SIL1: variants seen among roughly 807,000 people sequenced by gnomAD.
The protein encoded by SIL1 is nucleotide exchange factor SIL1.
Under a neutral mutation model 49.1 loss-of-function variants are expected in SIL1, and 40 were observed. The observed-to-expected ratio is 0.81, with a 90% CI of 0.63 to 1.06. SIL1 has a LOEUF of 1.06. SIL1 is among the 50% of genes least tolerant of loss of function. The pLI is 0.00. For missense variants in SIL1, 500 were observed against 572.6 expected (o/e 0.87, Z 1.29); for synonymous variants, 253 against 250.8 (o/e 1.01, Z -0.08).
intron 3 of SIL1, among the ~76,000 whole-genome samples, chr5:139,058,928 G>A (rs1769519794): frequency 6.6e-6 from 1 of 150,838 alleles, no homozygotes; most frequent in African/African-American, 2.4e-5. Flanking sequence ...CTAGGGTGTT[G>A]GTATTTCTAA....
intron 4 of SIL1, among the ~76,000 whole-genome samples, chr5:139,044,457 A>G (rs1769108149): frequency 6.6e-6 from 1 of 152,112 alleles, no homozygotes; most frequent in South Asian, 2.1e-4. Flanking sequence ...CTCAGTCCCA[A>G]CTACATACAC....
chr5:138,962,516 G>T (rs1288408826), intron 7 of SIL1, among the ~76,000 whole-genome samples: 1 of 152,226 alleles, frequency 6.6e-6, no homozygotes, highest in African/African-American at 2.4e-5. Context: ...TGGGATTGTT[G>T]CGGGGATGAA....
At chr5:139,094,245 A>G (rs1444447915) in intron 3 of SIL1, among the ~76,000 whole-genome samples, 2 of 151,952 alleles carry the variant, frequency 1.3e-5, no homozygotes, top group Non-Finnish European at 2.9e-5. Context: ...CTAAACACAA[A>G]CTCCTCACAC....
rs547917517 is a variant in SIL1, at chr5:139,056,429, G to A, written c.245-5383C>T. Among the ~76,000 whole-genome samples, 129 of 150,504 alleles carry A rather than the reference G, an allele frequency of 8.6e-4. 1 individual carries two copies. Among genetic ancestry groups the A allele is most frequent in the African/African-American group, 2.9e-3 (120 of 40,896 alleles). Reference sequence around the variant, plus strand: ...CGACTGAGAAGTGAGGAGCCCCTCCGCCCGGCAGCCACCCCGTCTGGGAAG... The same window carrying A: ...CGACTGAGAAGTGAGGAGCCCCTCCACCCGGCAGCCACCCCGTCTGGGAAG... On this transcript the variant is annotated intron_variant, in intron 3 of 9. Transcript: ENST00000394817.
At chr5:139,058,062 T>C (rs1246775100) in intron 3 of SIL1, among the ~76,000 whole-genome samples, 1 of 152,186 alleles carries the variant, frequency 6.6e-6, no homozygotes. Context: ...AAGTAGTATA[T>C]CCATATAATA....
At chr5:139,122,456 G>A (rs1344590863) in intron 2 of SIL1, among the ~76,000 whole-genome samples, 3 of 152,162 alleles carry the variant, frequency 2.0e-5, no homozygotes, top group Middle Eastern at 3.4e-3. Context: ...TTAGCCAGGT[G>A]TGGTGGTGTA....
chr5:139,150,703 G>A (rs982905937), intron 1 of SIL1, among the ~76,000 whole-genome samples: 5 of 152,120 alleles, frequency 3.3e-5, no homozygotes, highest in Admixed American at 6.6e-5. Flanking sequence ...TTTCTTCTTC[G>A]GTTGAAGAGA....
intron 1 of SIL1, among the ~76,000 whole-genome samples, chr5:139,174,184 A>G (rs987980562): frequency 2.6e-5 from 4 of 152,132 alleles, no homozygotes; most frequent in African/African-American, 9.7e-5. Flanking sequence ...ACCAAAATTG[A>G]CAAACCTTTA....
rs561263446 is a variant in SIL1 at position 139,185,833 on chromosome 5, G to T, written c.-11+12436C>A. Among the ~76,000 whole-genome samples, 9 of 152,274 alleles carry T rather than the reference G, an allele frequency of 5.9e-5. No individual in the cohort carries two copies. In the South Asian group the frequency reaches 1.9e-3, roughly 32 times the overall value. On this transcript the variant is annotated intron_variant, in intron 1 of 9. Transcript: ENST00000394817. ...AGTAAGCACTGCTGGGGCACTTAGG[G>T]ACTATGAAAAAAATGAGACAGCCAG...
chr5:138,998,689 A>G (rs1767924880), intron 7 of SIL1, among the ~76,000 whole-genome samples: 1 of 152,106 alleles, frequency 6.6e-6, no homozygotes, highest in Admixed American at 6.5e-5. Flanking sequence ...CTAACTGAGG[A>G]AGAACTCACT....
At chr5:138,986,389 C>G (rs1411107696) in intron 7 of SIL1, among the ~76,000 whole-genome samples, 1 of 152,176 alleles carries the variant, frequency 6.6e-6, no homozygotes, top group African/African-American at 2.4e-5. Context: ...ATCACGGACT[C>G]TGATTGATTT....
intron 7 of SIL1, among the ~76,000 whole-genome samples, chr5:138,953,687 G>GC (rs1020847993): frequency 8.9e-5 from 11 of 124,026 alleles, no homozygotes; most frequent in African/African-American, 3.3e-4. Context: ...CTGCTCCCCT[G>GC]CCCCCCACGA....
At chr5:139,042,819 C>A in intron 4 of SIL1, 100 bp from the exon 5 acceptor site, 3 of 1,033,934 alleles carry the variant, frequency 2.9e-6, no homozygotes, top group Non-Finnish European at 4.6e-6. Context: ...GGAAGGATAC[C>A]AAGATCCCAT....
intron 7 of SIL1, among the ~76,000 whole-genome samples, chr5:138,975,404 G>C (rs1421222345): frequency 1.3e-5 from 2 of 152,172 alleles, no homozygotes; most frequent in African/African-American, 4.8e-5. Flanking sequence ...GCCAGAGCAT[G>C]GGGGAAGGGC....
chr5:139,026,796 A>G lies in SIL1; in HGVS notation c.645+5T>C. 6.2e-7 allele frequency: 1 copy of G among 1,613,980 alleles called. No homozygotes were observed. The highest frequency in any genetic ancestry group is 8.5e-7 in the Non-Finnish European group (1 of 1,179,862). On this transcript the variant is annotated splice_donor_5th_base_variant and intron_variant, in intron 6 of 9. Coordinates refer to ENST00000394817, the MANE Select transcript of SIL1 (RefSeq NM_022464.5). ...GTCTGACTTATGGACGAAGAAATAC[A>G]GTACCTGATGGACATAATATTCAAG...
chr5:138,970,611 C>T (rs981735843), intron 7 of SIL1, among the ~76,000 whole-genome samples: 23 of 152,172 alleles, frequency 1.5e-4, no homozygotes, highest in Admixed American at 1.5e-3. Flanking sequence ...CAGCCTGCAC[C>T]TCTAGGCTTT....
intron 7 of SIL1, among the ~76,000 whole-genome samples, chr5:138,983,393 A>G (rs1281483724): frequency 6.6e-6 from 1 of 151,020 alleles, no homozygotes; most frequent in Non-Finnish European, 1.5e-5. Context: ...CTGTAGTCCC[A>G]GGTACTCGGG....
intron 7 of SIL1, among the ~76,000 whole-genome samples, chr5:138,992,980 C>G (rs969013631): frequency 9.9e-5 from 15 of 152,180 alleles, no homozygotes; most frequent in Admixed American, 7.9e-4. Context: ...TGAAAGCTAG[C>G]TGAGATGGAA....
chr5:139,162,482 GAAGA>G (rs758193012), intron 1 of SIL1, among the ~76,000 whole-genome samples: 33 of 152,164 alleles, frequency 2.2e-4, no homozygotes, highest in Admixed American at 1.5e-3. Flanking sequence ...AAAATGCTAG[GAAGA>G]AAGAGAGCCA....
Sources: allele counts gnomAD v4.1 joint callset (sites outside exome capture counted in the v4.1 genomes callset), GRCh38; gene constraint gnomAD v4.1.1; transcripts MANE v1.5; gene names NCBI Gene and HGNC (gene_info 2026-07-23, HGNC 2026-07-21).